SCN10A: variants seen among roughly 807,000 people sequenced by gnomAD.
The protein encoded by SCN10A is sodium voltage-gated channel alpha subunit 10.
Under a neutral mutation model 170.7 loss-of-function variants are expected in SCN10A, and 162 were observed. That is an observed-to-expected ratio of 0.95 (90% CI 0.84 to 1.08). SCN10A has a LOEUF of 1.08. Among genes scored for constraint, SCN10A ranks in the 50% least tolerant of loss-of-function variants. The pLI, the probability that SCN10A is intolerant of heterozygous loss-of-function variation, is 0.00. For synonymous variants in SCN10A, 985 were observed against 904.6 expected (o/e 1.09, Z -1.59); for missense variants, 2,527 against 2,436.9 (o/e 1.04, Z -0.78).
chr3:38,745,442 C>T (rs1036782427), intron 13 of SCN10A, among the ~76,000 whole-genome samples: 1 of 152,086 alleles, frequency 6.6e-6, no homozygotes, highest in African/African-American at 2.4e-5. Context: ...AGATCCTTCC[C>T]ATTAGCATGC....
chr3:38,698,154 C>T lies in SCN10A; in HGVS notation c.5066G>A (p.Arg1689Lys), dbSNP rs2063115980. The T allele has an allele frequency of 1.9e-6, 3 of 1,614,026 alleles. No homozygotes were observed. The highest frequency in any genetic ancestry group is 1.3e-5 in the African/African-American group (1 of 74,904). The change falls in exon 28 of 28, where the codon AGA becomes AAA. Residue 1689 changes from arginine (R) to lysine (K), a missense_variant. Coordinates refer to ENST00000449082, the MANE Select transcript of SCN10A (RefSeq NM_006514.4). ...TACGGCTGGGCTCCCACAGTCCCCT[C>T]TGGTGCCATTGCTGTTGGGCAGATT... ...DPNLPNSNGTRGDCGSPAVGI... is the reference protein window; with the variant it reads ...DPNLPNSNGTKGDCGSPAVGI...
chr3:38,705,362 G>GAA (rs1443870012), intron 26 of SCN10A, among the ~76,000 whole-genome samples: 2 of 152,178 alleles, frequency 1.3e-5, no homozygotes, highest in Admixed American at 1.3e-4. Context: ...AGAATCTCAG[G>GAA]AACAGAATTG....
chr3:38,746,063 GTATATATATATATA>G (rs1553619550), intron 13 of SCN10A, among the ~76,000 whole-genome samples: 11 of 61,626 alleles, frequency 1.8e-4, no homozygotes, highest in South Asian at 6.9e-4. Flanking sequence ...GTGTGTATGT[GTATATATATATATA>G]TATATATATA....
intron 15 of SCN10A, among the ~76,000 whole-genome samples, chr3:38,737,249 C>T (rs1300441510): frequency 6.6e-6 from 1 of 151,998 alleles, no homozygotes. Flanking sequence ...GGATTACAGG[C>T]GTGAGCCACC....
At chr3:38,755,659 G>A (rs2063795069) in intron 11 of SCN10A, 129 bp downstream of exon 11, 5 of 1,004,990 alleles carry the variant, frequency 5.0e-6, no homozygotes, top group Non-Finnish European at 7.5e-6. Flanking sequence ...TTTTGGAGGG[G>A]TGTCTGGATC....
chr3:38,751,358 A>C (rs978133211), intron 12 of SCN10A, among the ~76,000 whole-genome samples: 29 of 152,162 alleles, frequency 1.9e-4, no homozygotes, highest in South Asian at 4.1e-4. Flanking sequence ...AGCCCAGCCC[A>C]CACCTCTGTA....
chr3:38,796,538 A>G (rs922579862), intron 1 of SCN10A, among the ~76,000 whole-genome samples: 7 of 152,182 alleles, frequency 4.6e-5, no homozygotes, highest in Non-Finnish European at 8.8e-5. Flanking sequence ...AGATAACCCA[A>G]ACTGTGCGCT....
intron 1 of SCN10A, 50 bp from the exon 2 acceptor site, chr3:38,794,092 CCTGTCCCTCTCAT>C (rs895691364): frequency 1.6e-6 from 2 of 1,268,948 alleles, no homozygotes; most frequent in African/African-American, 2.9e-5. Context: ...GCCCACTGGC[CCTGTCCCTCTCAT>C]CTGTCCCATC....
chr3:38,734,695 T>C (rs1465944151), intron 15 of SCN10A, among the ~76,000 whole-genome samples: 1 of 152,212 alleles, frequency 6.6e-6, no homozygotes, highest in Non-Finnish European at 1.5e-5. Context: ...GATAAAGATT[T>C]CTTATCTTTA....
chr3:38,712,220 C>T lies in SCN10A; in HGVS notation c.4030G>A (p.Val1344Ile), dbSNP rs752648254. ...IQNSTGSFFWVNVKVNFDNVA... is the reference protein window; with the variant it reads ...IQNSTGSFFWINVKVNFDNVA... The stretch of plus-strand genomic sequence containing the variant: ...TTATCAAAGTTGACTTTCACATTGA[C>T]CCAGAAGAAGCTGCCAGTGGAGTTT... The change falls in exon 23 of 28, where the codon GTC becomes ATC. Residue 1344 changes from valine (V) to isoleucine (I), a missense_variant. Coordinates refer to ENST00000449082, the MANE Select transcript of SCN10A (RefSeq NM_006514.4). 6.2e-7 allele frequency: 1 copy of T among 1,614,190 alleles called. No individual in the cohort carries two copies. The highest frequency in any genetic ancestry group is 1.7e-5 in the Admixed American group (1 of 60,028).
chr3:38,771,129 T>C, intron 5 of SCN10A, 150 bp downstream of exon 5: 4 of 757,470 alleles, frequency 5.3e-6, no homozygotes, highest in Admixed American at 2.5e-5. Context: ...GTTCTCCTGG[T>C]ATATTCCTGC....
At position 38,739,630 on chromosome 3, in the gene SCN10A, T is replaced by C. The variant is rs2063609171; in HGVS notation, c.2165A>G (p.Tyr722Cys). The change falls in exon 15 of 28, where the codon TAC (tyrosine) becomes TGC (cysteine). Residue 722 changes from tyrosine (Y) to cysteine (C), a missense_variant. By Grantham distance (194) the Tyr-to-Cys change is radical. Coordinates refer to ENST00000449082, the MANE Select transcript of SCN10A (RefSeq NM_006514.4). ...ATTCCACTTCTTCTGGAAATAATAGTATGGGTCGAAGGCAATGATTTTGAA... is the reference window on the plus strand; with the variant it reads ...ATTCCACTTCTTCTGGAAATAATAGCATGGGTCGAAGGCAATGATTTTGAA... ...MVFKIIAFDP[Y>C]YYFQKKWNIF... is the part of the protein sequence containing the mutation. The C allele has an allele frequency of 6.2e-7, 1 of 1,613,888 alleles. No individual in the cohort carries two copies. The highest frequency in any genetic ancestry group is 1.7e-5 in the Admixed American group (1 of 60,006).
intron 1 of SCN10A, among the ~76,000 whole-genome samples, chr3:38,804,209 AC>A (rs2064392246): frequency 6.6e-6 from 1 of 152,092 alleles, no homozygotes; most frequent in Admixed American, 6.6e-5. Flanking sequence ...CACACCAAGC[AC>A]AATATTGCCT....
chr3:38,737,872 C>T (rs2063587581), intron 15 of SCN10A, among the ~76,000 whole-genome samples: 1 of 109,922 alleles, frequency 9.1e-6, no homozygotes, highest in Non-Finnish European at 1.9e-5. Context: ...TTTCTCTCTC[C>T]CTCTTGCTCT....
In SCN10A at chr3:38,761,815, A is replaced by AGTGTGT. The variant is rs10637333; in HGVS notation, c.692-438_692-433dup. 3.8e-3 allele frequency among the ~76,000 whole-genome samples: 546 copies of AGTGTGT among 141,998 alleles called. 3 individuals carry two copies. Among genetic ancestry groups the AGTGTGT allele is most frequent in the Middle Eastern group, 7.0e-3 (2 of 284 alleles). The allele number at this position is 141,998 out of a possible 152,430, so 93.2% of individuals were successfully genotyped here. On this transcript the variant is annotated intron_variant, in intron 6 of 27. Transcript: ENST00000449082. ...GGACACATGAACCTCACTGTGTGTGAGTGTGTGTGTGTGTGTGTGTGTGAG... is the reference window on the plus strand; with the variant it reads ...GGACACATGAACCTCACTGTGTGTGAGTGTGTGTGTGTGTGTGTGTGTGTGTGTGAG...
intron 20 of SCN10A, among the ~76,000 whole-genome samples, chr3:38,721,992 C>A (rs1042457554): frequency 1.3e-5 from 2 of 152,182 alleles, no homozygotes; most frequent in Non-Finnish European, 2.9e-5. Flanking sequence ...GTCAGTTTCC[C>A]CATCTATATA....
intron 1 of SCN10A, among the ~76,000 whole-genome samples, chr3:38,811,969 C>T (rs7625983): frequency 9.2e-5 from 14 of 152,304 alleles, no homozygotes; most frequent in South Asian, 4.1e-4. Flanking sequence ...ACTTGGTTTA[C>T]GGTGGGGCAA....
At chr3:38,760,569 T>C in intron 8 of SCN10A, 112 bp downstream of exon 8, 2 of 838,818 alleles carry the variant, frequency 2.4e-6, no homozygotes, top group East Asian at 2.4e-5. Flanking sequence ...GATTTATTTA[T>C]TTATACATCT....
rs2063568133 is a variant in SCN10A, at chr3:38,736,962, C to CGTTTTTTTTTTTTT, written c.2280+2539_2280+2552dup. On this transcript the variant is annotated intron_variant, in intron 15 of 27. Coordinates refer to ENST00000449082, the MANE Select transcript of SCN10A (RefSeq NM_006514.4). ...CTTCCCCAAGTGTAGCAGAAATGTT[C>CGTTTTTTTTTTTTT]GTTTTTTTTTTTTTTTTTTTTTTTT... Among the ~76,000 whole-genome samples the CGTTTTTTTTTTTTT allele has an allele frequency of 1.0e-4, 7 of 69,252 alleles. 1 individual carries two copies. Among genetic ancestry groups the CGTTTTTTTTTTTTT allele is most frequent in the African/African-American group, 3.1e-4 (6 of 19,098 alleles). 45.4% of individuals were successfully genotyped at this position (69,252 alleles called of 152,430 possible).
Sources: gnomAD v4.1 joint callset for allele counts (sites outside exome capture counted in the v4.1 genomes callset) on GRCh38, gnomAD v4.1.1 for gene constraint, MANE v1.5 for transcripts, NCBI Gene and HGNC (gene_info 2026-07-23, HGNC 2026-07-21) for gene names.